SLC44A5: variants seen among roughly 807,000 people sequenced by gnomAD.
SLC44A5 encodes solute carrier family 44 member 5.
In SLC44A5, 57 loss-of-function variants were observed where a neutral mutation model predicts 101.8. The ratio of observed to expected loss-of-function variants is 0.56; its 90% CI spans 0.45 to 0.70. The LOEUF (loss-of-function observed/expected upper bound fraction) is 0.70. Ranked by LOEUF, SLC44A5 falls within the 30% of genes least tolerant of loss-of-function variation. The probability of loss-of-function intolerance (pLI) is 0.00; values close to 1 mark genes in which losing one functional copy is unlikely to be tolerated. For missense variants in SLC44A5, 737 were observed against 853.1 expected (o/e 0.86, Z 1.70); for synonymous variants, 281 against 290.9 (o/e 0.97, Z 0.35).
intron 2 of SLC44A5, among the ~76,000 whole-genome samples, chr1:75,528,046 T>C (rs1557876144): frequency 6.6e-6 from 1 of 152,212 alleles, no homozygotes; most frequent in African/African-American, 2.4e-5. Context: ...CTAATCCTAC[T>C]ATATTGATTG....
intron 12 of SLC44A5, among the ~76,000 whole-genome samples, chr1:75,232,823 G>A (rs111913887): frequency 5.4e-4 from 82 of 152,100 alleles, no homozygotes; most frequent in Non-Finnish European, 2.6e-4. Context: ...AACTTCCAAA[G>A]TTACCCAGTT....
chr1:75,528,995 C>T (rs1248326196), intron 2 of SLC44A5, among the ~76,000 whole-genome samples: 2 of 152,140 alleles, frequency 1.3e-5, no homozygotes, highest in Non-Finnish European at 2.9e-5. Context: ...TGTATTTCTC[C>T]TATCATAACA....
At chr1:75,439,979 T>C (rs945813105) in intron 2 of SLC44A5, among the ~76,000 whole-genome samples, 7 of 151,976 alleles carry the variant, frequency 4.6e-5, no homozygotes, top group Admixed American at 1.3e-4. Context: ...AGCACACTTT[T>C]GAACAGAAAA....
intron 1 of SLC44A5, among the ~76,000 whole-genome samples, chr1:75,595,048 T>C (rs1183171361): frequency 6.6e-6 from 1 of 151,982 alleles, no homozygotes; most frequent in Non-Finnish European, 1.5e-5. Context: ...TTACTTTTTG[T>C]TAACCAAGAC....
At chr1:75,443,721 C>G (rs1665338987) in intron 2 of SLC44A5, among the ~76,000 whole-genome samples, 2 of 151,356 alleles carry the variant, frequency 1.3e-5, no homozygotes, top group South Asian at 4.2e-4. Flanking sequence ...ATTTTATTAT[C>G]TAGTATAATC....
intron 2 of SLC44A5, among the ~76,000 whole-genome samples, chr1:75,462,759 A>G (rs1366352763): frequency 1.3e-5 from 2 of 152,130 alleles, no homozygotes; most frequent in African/African-American, 2.4e-5. Context: ...AGGATGCATC[A>G]CAGTCTTTTA....
At chr1:75,472,253 C>G (rs1376720148) in intron 2 of SLC44A5, among the ~76,000 whole-genome samples, 11 of 152,000 alleles carry the variant, frequency 7.2e-5, no homozygotes, top group Non-Finnish European at 1.6e-4. Context: ...TGCCGAGCAC[C>G]TGTCAGTAGT....
At position 75,480,134 on chromosome 1, in the gene SLC44A5, A is replaced by G. The variant is rs1392755821; in HGVS notation, c.13+61301T>C. ...AATAAATGTAATCCAGCATATAAAC[A>G]GAACCAATGACAAAAACCACATGAT... is the stretch of plus-strand genomic sequence containing the variant. On this transcript the variant is annotated intron_variant, in intron 2 of 23. Transcript: ENST00000370859. 5.3e-5 allele frequency among the ~76,000 whole-genome samples: 8 copies of G among 152,380 alleles called. No homozygotes were observed. The East Asian group carries it at 9.6e-4, about 18-fold the overall frequency.
chr1:75,330,189 G>T (rs906827246), intron 4 of SLC44A5, among the ~76,000 whole-genome samples: 2 of 84,720 alleles, frequency 2.4e-5, no homozygotes, highest in African/African-American at 5.9e-5. Flanking sequence ...ATATATATAC[G>T]TATATGCATA....
rs1197131949 is a variant in SLC44A5, at chr1:75,207,682, T to C, written c.2047+3786A>G. Reference sequence around the variant, plus strand: ...TGAACATTTTGCTTTTTTTTGTCCTTAATCCTATTTCTATACAATAGTCCC... The same window carrying C: ...TGAACATTTTGCTTTTTTTTGTCCTCAATCCTATTTCTATACAATAGTCCC... On this transcript the variant is annotated intron_variant, in intron 23 of 23. Transcript: ENST00000370859. Among the ~76,000 whole-genome samples, 4 of 152,194 alleles carry C rather than the reference T, an allele frequency of 2.6e-5. 1 individual carries two copies. Among genetic ancestry groups the C allele is most frequent in the South Asian group, 4.1e-4 (2 of 4,828 alleles).
At chr1:75,388,954 A>G (rs1321957083) in intron 3 of SLC44A5, among the ~76,000 whole-genome samples, 1 of 152,148 alleles carries the variant, frequency 6.6e-6, no homozygotes, top group East Asian at 1.9e-4. Context: ...CTATAGGCTC[A>G]TTGCTCCTGA....
At chr1:75,570,850 G>A (rs1033361275) in intron 1 of SLC44A5, among the ~76,000 whole-genome samples, 4 of 152,134 alleles carry the variant, frequency 2.6e-5, no homozygotes, top group African/African-American at 9.7e-5. Flanking sequence ...GTACGTTAAT[G>A]TGCTAATTAA....
intron 3 of SLC44A5, among the ~76,000 whole-genome samples, chr1:75,383,107 C>G (rs1370815373): frequency 4.7e-5 from 1 of 21,382 alleles, no homozygotes; most frequent in Non-Finnish European, 1.0e-4. Context: ...AGCAATACTG[C>G]TTTGTAAAGC....
the SLC44A5 span, among the ~76,000 whole-genome samples, chr1:75,622,496 C>T: frequency 4.8e-4 from 73 of 151,826 alleles, no homozygotes; most frequent in Admixed American, 1.4e-3. Flanking sequence ...TCCACAGAAA[C>T]CCCCCCAAAA....
At chr1:75,557,466 T>C (rs1013875120) in intron 1 of SLC44A5, among the ~76,000 whole-genome samples, 1 of 152,116 alleles carries the variant, frequency 6.6e-6, no homozygotes, top group Non-Finnish European at 1.5e-5. Context: ...TTCCATCTAA[T>C]AGCTCTGTCT....
chr1:75,278,641 G>A lies in SLC44A5; in HGVS notation c.176-3599C>T, dbSNP rs140221551. 3.3e-3 allele frequency among the ~76,000 whole-genome samples: 498 copies of A among 152,204 alleles called. 2 individuals carry two copies. The highest frequency in any genetic ancestry group is 0.012 in the African/African-American group (481 of 41,534). ...ATAGTATGCACATCAATATGCAAAT[G>A]CTCAAATGTGACTAAACTGGAAGAG... is the stretch of plus-strand genomic sequence containing the variant. On this transcript the variant is annotated intron_variant, in intron 5 of 23. Transcript: ENST00000370859.
the SLC44A5 span, among the ~76,000 whole-genome samples, chr1:75,618,401 T>C: frequency 2.0e-5 from 3 of 152,210 alleles, no homozygotes; most frequent in Admixed American, 2.0e-4. Context: ...ACCCAGGCCC[T>C]GGATTTCCAG....
chr1:75,377,964 A>C (rs1458261860), intron 3 of SLC44A5, among the ~76,000 whole-genome samples: 1 of 59,322 alleles, frequency 1.7e-5, no homozygotes, highest in Non-Finnish European at 2.7e-5. Flanking sequence ...CTTTCTCTAT[A>C]CTTTGTCTCT....
intron 3 of SLC44A5, among the ~76,000 whole-genome samples, chr1:75,340,515 T>A (rs1252894206): frequency 6.6e-6 from 1 of 152,250 alleles, no homozygotes; most frequent in African/African-American, 2.4e-5. Flanking sequence ...TGCCAAGTTC[T>A]CTAGCACACT....
Sources: allele counts gnomAD v4.1 joint callset (sites outside exome capture counted in the v4.1 genomes callset), GRCh38; gene constraint gnomAD v4.1.1; transcripts MANE v1.5; gene names NCBI Gene and HGNC (gene_info 2026-07-23, HGNC 2026-07-21).